Variants in SRC observed in about 807,000 individuals in gnomAD.
The protein encoded by SRC is SRC proto-oncogene, non-receptor tyrosine kinase.
In SRC, 13 loss-of-function variants were observed where a neutral mutation model predicts 62.9. That is an observed-to-expected ratio of 0.21 (90% CI 0.13 to 0.33). The LOEUF is 0.33. Among genes scored for constraint, SRC ranks in the 10% least tolerant of loss-of-function variants. The probability of loss-of-function intolerance (pLI) is 1.00; values close to 1 mark genes in which losing one functional copy is unlikely to be tolerated. For missense variants in SRC, 457 were observed against 737.3 expected (o/e 0.62, Z 4.40); for synonymous variants, 302 against 317.5 (o/e 0.95, Z 0.52).
intron 1 of SRC, among the ~76,000 whole-genome samples, chr20:37,363,301 C>T (rs2070006131): frequency 6.6e-6 from 1 of 152,232 alleles, no homozygotes; most frequent in African/African-American, 2.4e-5. Context: ...CCCCCTCGTG[C>T]CTAGGCCAAG....
chr20:37,395,009 C>T (rs898292860), intron 7 of SRC, among the ~76,000 whole-genome samples: 5 of 152,188 alleles, frequency 3.3e-5, no homozygotes, highest in Non-Finnish European at 5.9e-5. Flanking sequence ...GCCTAGGGAG[C>T]GTGTACTTGT....
Position 37,402,940 on chromosome 20 carries a change from G to A in SRC, c.1402+60G>A. On this transcript the variant is annotated intron_variant, in intron 13 of 13. Transcript: ENST00000373578. This position sits in a 1 kb window ranked among gnomAD's most constrained non-coding sequence, Gnocchi z 6.2. ...GAATCCCTCTGCCCTGGTGGCCTTGGGCAAGTCATGACTCCTGCTGGGCCT... is the reference window on the plus strand; with the variant it reads ...GAATCCCTCTGCCCTGGTGGCCTTGAGCAAGTCATGACTCCTGCTGGGCCT... 1.3e-6 allele frequency: 2 copies of A among 1,564,862 alleles called. No individual in the cohort carries two copies. The highest frequency in any genetic ancestry group is 1.7e-6 in the Non-Finnish European group (2 of 1,157,804).
rs369431448 is a variant in SRC, at chr20:37,394,023, G to A, written c.449+30G>A. The A allele has an allele frequency of 4.2e-5, 68 of 1,604,326 alleles. 1 individual carries two copies. The highest frequency in any genetic ancestry group is 6.6e-5 in the South Asian group (6 of 90,686). ...GTACCGTCTCTGGCTGCCTCTACCC[G>A]TCGTCCCTGGACACTGCCGGTGCAG... On this transcript the variant is annotated intron_variant, in intron 6 of 13. Coordinates refer to ENST00000373578, the MANE Select transcript of SRC (RefSeq NM_198291.3).
At chr20:37,348,644 G>T (rs2069757324) in intron 1 of SRC, among the ~76,000 whole-genome samples, 7 of 152,260 alleles carry the variant, frequency 4.6e-5, no homozygotes, top group East Asian at 1.9e-4. Flanking sequence ...GGGCCCTGAG[G>T]TGGTGGGGTG....
Position 37,394,282 on chromosome 20 carries a change from G to A in SRC, c.553+5G>A, listed in dbSNP as rs1221053829. The A allele has an allele frequency of 3.1e-6, 5 of 1,613,166 alleles. No individual in the cohort carries two copies. Among genetic ancestry groups the A allele is most frequent in the Non-Finnish European group, 4.2e-6 (5 of 1,179,532 alleles). On this transcript the variant is annotated splice_donor_5th_base_variant and intron_variant, in intron 7 of 13. Coordinates refer to ENST00000373578, the MANE Select transcript of SRC (RefSeq NM_198291.3). ...GAGAAAGTGAGACCACGAAAGGTACGAGCGCTCTTGCTGGCCAACGGATAC... is the reference window on the plus strand; with the variant it reads ...GAGAAAGTGAGACCACGAAAGGTACAAGCGCTCTTGCTGGCCAACGGATAC...
intron 5 of SRC, among the ~76,000 whole-genome samples, chr20:37,391,393 G>A (rs2070545619): frequency 6.6e-6 from 1 of 152,196 alleles, no homozygotes; most frequent in African/African-American, 2.4e-5. Context: ...TTGACCATGT[G>A]GCTTTGGGCA....
intron 1 of SRC, among the ~76,000 whole-genome samples, chr20:37,354,785 T>C (rs1294048698): frequency 6.6e-6 from 1 of 152,212 alleles, no homozygotes; most frequent in African/African-American, 2.4e-5. Context: ...TCACTGCGTC[T>C]GCCTGCCTTT....
intron 1 of SRC, among the ~76,000 whole-genome samples, chr20:37,358,316 G>A (rs936441335): frequency 6.6e-6 from 1 of 152,206 alleles, no homozygotes; most frequent in African/African-American, 2.4e-5. Flanking sequence ...TCACCCCAGA[G>A]CTGGGCTTTG....
intron 1 of SRC, among the ~76,000 whole-genome samples, chr20:37,352,029 G>A (rs182228446): frequency 1.9e-4 from 29 of 152,320 alleles, no homozygotes; most frequent in Admixed American, 7.8e-4. Context: ...GGGTGCTCAC[G>A]GATGCTTATG....
chr20:37,373,206 C>G (rs75641750), intron 2 of SRC, among the ~76,000 whole-genome samples: 33,405 of 150,552 alleles, frequency 0.22, 5,360 homozygotes, highest in African/African-American at 0.46. Context: ...ATGTACATAT[C>G]TACACACATG....
chr20:37,385,172 A>T (rs2070435148), intron 4 of SRC, among the ~76,000 whole-genome samples: 1 of 152,126 alleles, frequency 6.6e-6, no homozygotes. Flanking sequence ...GCATTCAGAG[A>T]CACACGCTCA....
At chr20:37,371,736 T>C (rs1399239584) in intron 2 of SRC, among the ~76,000 whole-genome samples, 1 of 152,180 alleles carries the variant, frequency 6.6e-6, no homozygotes, top group Non-Finnish European at 1.5e-5. Context: ...AGTTTCACTC[T>C]TGTTGCCCAG....
rs2070406378 is a variant in SRC, at chr20:37,384,053, GCCT to G, written c.-4-95_-4-93del. 6.6e-7 allele frequency: 1 copy of G among 1,516,502 alleles called. No individual in the cohort carries two copies. Among genetic ancestry groups the G allele is most frequent in the Non-Finnish European group, 8.8e-7 (1 of 1,135,870 alleles). 93.9% of individuals were successfully genotyped at this position (1,516,502 alleles called of 1,614,324 possible). A position where few individuals can be genotyped will look rare whatever the true frequency, so the allele number is the denominator to read the frequency against. ...GCCCGGCCCTGCTGCCTCTCCTTGG[GCCT>G]CGTTTTCCCTATCTGTGGAATGGGT... On this transcript the variant is annotated intron_variant, in intron 3 of 13. Transcript: ENST00000373578. The surrounding 1 kb of genome is among the most constrained non-coding windows in gnomAD (Gnocchi z 6.7).
At chr20:37,365,892 T>G (rs1009249257) in intron 2 of SRC, among the ~76,000 whole-genome samples, 15 of 152,170 alleles carry the variant, frequency 9.9e-5, no homozygotes, top group African/African-American at 3.6e-4. Flanking sequence ...CCAGAATTTT[T>G]TTTTTTTTTA....
intron 1 of SRC, among the ~76,000 whole-genome samples, chr20:37,362,598 C>T (rs1041035184): frequency 1.3e-5 from 2 of 152,116 alleles, no homozygotes; most frequent in African/African-American, 2.4e-5. Flanking sequence ...GAGCCTTAGC[C>T]TCCTCAGCTG....
upstream of SRC, among the ~76,000 whole-genome samples, chr20:37,345,605 C>G (rs150614513): frequency 1.3e-5 from 2 of 152,340 alleles, no homozygotes; most frequent in Non-Finnish European, 2.9e-5. Context: ...GGCTAAAGTC[C>G]AAGGCCTGGT....
At chr20:37,356,112 G>T (rs2146914660) in intron 1 of SRC, among the ~76,000 whole-genome samples, 1 of 152,334 alleles carries the variant, frequency 6.6e-6, no homozygotes, top group South Asian at 2.1e-4. Context: ...AAAGGTAGGG[G>T]CTGACCTGGG....
In SRC at chr20:37,394,177, G is replaced by C. The variant is rs746439256; in HGVS notation, c.453G>C (p.Trp151Cys). The change falls in exon 7 of 14, where the codon TGG becomes TGC. Residue 151 changes from tryptophan to cysteine, a missense_variant. This residue lies in a region of SRC where 141 missense variants were observed against 198.4 expected (regional missense o/e 0.71). Transcript: ENST00000373578. ...TCCTCCGTCCTCCCACCCCCAGGTG[G>C]TATTTTGGCAAGATCACCAGACGGG... ...APSDSIQAEE[W>C]YFGKITRRES... 10 of 1,613,784 alleles carry C rather than the reference G, an allele frequency of 6.2e-6. No individual in the cohort carries two copies. The highest frequency in any genetic ancestry group is 7.6e-6 in the Non-Finnish European group (9 of 1,179,868).
chr20:37,384,067 A>C lies in SRC; in HGVS notation c.-4-83A>C. 1 of 1,538,782 alleles carries C rather than the reference A, an allele frequency of 6.5e-7. No homozygotes were observed. The highest frequency in any genetic ancestry group is 8.7e-7 in the Non-Finnish European group (1 of 1,148,870). On this transcript the variant is annotated intron_variant, in intron 3 of 13. Transcript: ENST00000373578. The surrounding 1 kb of genome is among the most constrained non-coding windows in gnomAD (Gnocchi z 6.7). ...CCTCTCCTTGGGCCTCGTTTTCCCT[A>C]TCTGTGGAATGGGTGGGAGGGAGGC...
Sources: allele counts gnomAD v4.1 joint callset (sites outside exome capture counted in the v4.1 genomes callset), GRCh38; gene constraint gnomAD v4.1.1; regional missense constraint gnomAD v4.1.1; non-coding constraint Gnocchi (gnomAD v3.1); transcripts MANE v1.5; gene names NCBI Gene and HGNC (gene_info 2026-07-23, HGNC 2026-07-21).